Variants in SNTG2 observed in about 807,000 individuals in gnomAD.
The protein encoded by SNTG2 is gamma-2-syntrophin.
SNTG2 carries 74 observed loss-of-function variants against 70.9 expected under a neutral mutation model. That is an observed-to-expected ratio of 1.04 (90% confidence interval 0.86 to 1.27). The LOEUF is 1.27. Ranked by LOEUF, SNTG2 falls within the 50% of genes most tolerant of loss-of-function variation. SNTG2 has a pLI of 0.00. For missense variants in SNTG2, 717 were observed against 690.7 expected (o/e 1.04, Z -0.43); for synonymous variants, 278 against 273.8 (o/e 1.02, Z -0.15).
intron 1 of SNTG2, among the ~76,000 whole-genome samples, chr2:961,014 A>G (rs1660333258): frequency 6.6e-6 from 1 of 152,210 alleles, no homozygotes; most frequent in South Asian, 2.1e-4. Context: ...GCTACTGTAG[A>G]TAGTGCTGAT....
chr2:1,319,602 C>G (rs569759634), intron 16 of SNTG2, among the ~76,000 whole-genome samples: 1 of 152,202 alleles, frequency 6.6e-6, no homozygotes, highest in Non-Finnish European at 1.5e-5. Context: ...CGCTTGGGCC[C>G]CTCAGCTCCC....
chr2:1,189,678 C>T (rs1672459081), intron 8 of SNTG2, among the ~76,000 whole-genome samples: 1 of 151,918 alleles, frequency 6.6e-6, no homozygotes, highest in Non-Finnish European at 1.5e-5. Flanking sequence ...CCTGCCTCAG[C>T]CTCCCAAGTA....
intron 1 of SNTG2, among the ~76,000 whole-genome samples, chr2:1,015,037 G>A (rs568652408): frequency 6.6e-6 from 1 of 152,250 alleles, no homozygotes; most frequent in South Asian, 2.1e-4. Flanking sequence ...GTCCTAAGAA[G>A]GAGTGAAAAC....
intron 5 of SNTG2, 24 bp downstream of exon 5, chr2:1,137,689 T>G (rs1668484391): frequency 6.2e-6 from 10 of 1,613,438 alleles, no homozygotes; most frequent in Non-Finnish European, 8.5e-6. Context: ...ACGTTAATCC[T>G]TAACTTGATT....
intron 4 of SNTG2, among the ~76,000 whole-genome samples, chr2:1,128,923 G>A (rs1226768998): frequency 1.3e-5 from 2 of 152,086 alleles, no homozygotes; most frequent in East Asian, 3.9e-4. Context: ...CTTGGAAACT[G>A]TTGGGAAACA....
intron 16 of SNTG2, among the ~76,000 whole-genome samples, chr2:1,352,965 C>T (rs1660661230): frequency 6.6e-6 from 1 of 152,186 alleles, no homozygotes; most frequent in Non-Finnish European, 1.5e-5. Flanking sequence ...TCAGTCACCA[C>T]AGCAGTTCAG....
intron 1 of SNTG2, among the ~76,000 whole-genome samples, chr2:1,033,812 G>A (rs546987528): frequency 6.6e-6 from 1 of 152,196 alleles, no homozygotes; most frequent in African/African-American, 2.4e-5. Context: ...AAGATTGTTT[G>A]GCTTAGTTAC....
At chr2:1,145,415 T>TG in intron 6 of SNTG2, among the ~76,000 whole-genome samples, 1 of 152,312 alleles carries the variant, frequency 6.6e-6, no homozygotes, top group African/African-American at 2.4e-5. Flanking sequence ...ATAGATCCTA[T>TG]GGACATGACA....
At chr2:1,217,851 C>T (rs972782307) in intron 9 of SNTG2, among the ~76,000 whole-genome samples, 1 of 152,146 alleles carries the variant, frequency 6.6e-6, no homozygotes, top group African/African-American at 2.4e-5. Flanking sequence ...TGTAACAAAC[C>T]TGTGCAAACT....
At chr2:1,297,572 A>G (rs565997126) in intron 14 of SNTG2, among the ~76,000 whole-genome samples, 2 of 147,126 alleles carry the variant, frequency 1.4e-5, no homozygotes, top group African/African-American at 5.2e-5. Context: ...CGGCGCCTCT[A>G]CAGCTCCTTC....
At chr2:1,358,669 T>A (rs975201884) in intron 16 of SNTG2, among the ~76,000 whole-genome samples, 1 of 152,174 alleles carries the variant, frequency 6.6e-6, no homozygotes, top group African/African-American at 2.4e-5. Flanking sequence ...CCAATTTTCC[T>A]TCTGCTATTG....
intron 12 of SNTG2, among the ~76,000 whole-genome samples, chr2:1,255,858 A>G (rs865788826): frequency 2.0e-5 from 1 of 50,996 alleles, no homozygotes; most frequent in African/African-American, 8.4e-5. Flanking sequence ...ATATAAATAT[A>G]TATAAATATA....
At chr2:1,070,528 T>C (rs1165961107) in intron 1 of SNTG2, among the ~76,000 whole-genome samples, 2 of 152,214 alleles carry the variant, frequency 1.3e-5, no homozygotes, top group East Asian at 1.9e-4. Flanking sequence ...ATCGTTTCAA[T>C]GTTTGCCTCA....
chr2:1,241,674 A>C (rs1182032045), intron 11 of SNTG2, among the ~76,000 whole-genome samples: 1 of 152,178 alleles, frequency 6.6e-6, no homozygotes, highest in Non-Finnish European at 1.5e-5. Context: ...GAATGATGAA[A>C]TAATGGTTCA....
chr2:1,162,763 T>G (rs989208507), intron 6 of SNTG2, among the ~76,000 whole-genome samples: 14 of 151,192 alleles, frequency 9.3e-5, no homozygotes, highest in Admixed American at 7.2e-4. Context: ...TTGGTAGTTT[T>G]CTCCAGGATC....
At chr2:1,297,874 G>A (rs773818001) in intron 14 of SNTG2, among the ~76,000 whole-genome samples, 23 of 152,148 alleles carry the variant, frequency 1.5e-4, no homozygotes, top group Non-Finnish European at 2.2e-4. Flanking sequence ...TGAAAATACC[G>A]AGTATCAGCA....
chr2:1,360,054 T>C (rs1338313873), intron 16 of SNTG2, among the ~76,000 whole-genome samples: 1 of 71,300 alleles, frequency 1.4e-5, no homozygotes, highest in East Asian at 1.5e-3. Context: ...ATTTTTCCCA[T>C]AGGAAAAAAA....
At chr2:1,182,371 A>AC (rs1484046708) in intron 8 of SNTG2, among the ~76,000 whole-genome samples, 4 of 151,584 alleles carry the variant, frequency 2.6e-5, no homozygotes, top group Non-Finnish European at 5.9e-5. Context: ...AAAAAAAAAA[A>AC]AAAAAAAACT....
At chr2:1,228,400 C>T (rs1675946535) in intron 9 of SNTG2, among the ~76,000 whole-genome samples, 1 of 152,240 alleles carries the variant, frequency 6.6e-6, no homozygotes, top group Non-Finnish European at 1.5e-5. Flanking sequence ...AGGCCCCGTT[C>T]AGCACAGCTG....
Sources: gnomAD v4.1 joint callset for allele counts (sites outside exome capture counted in the v4.1 genomes callset) on GRCh38, gnomAD v4.1.1 for gene constraint, MANE v1.5 for transcripts, NCBI Gene and HGNC (gene_info 2026-07-23, HGNC 2026-07-21) for gene names.